Variants in BCKDHB observed in about 807,000 individuals in gnomAD.
The protein encoded by BCKDHB is branched chain keto acid dehydrogenase E1 subunit beta.
In BCKDHB, 41 loss-of-function variants were observed where a neutral mutation model predicts 48.5. That is an observed-to-expected ratio of 0.85 (90% CI 0.66 to 1.10). BCKDHB has a LOEUF of 1.10. Ranked by LOEUF, BCKDHB falls within the 50% of genes least tolerant of loss-of-function variation. The pLI, the probability that BCKDHB is intolerant of heterozygous loss-of-function variation, is 0.00. For missense variants in BCKDHB, 496 were observed against 494.2 expected (o/e 1.00, Z -0.03); for synonymous variants, 201 against 174.8 (o/e 1.15, Z -1.18).
the BCKDHB span, among the ~76,000 whole-genome samples, chr6:80,427,047 A>G: frequency 6.6e-6 from 1 of 152,256 alleles, no homozygotes; most frequent in Middle Eastern, 3.4e-3. Flanking sequence ...ATTTAGGATT[A>G]CATTCTCTAG....
chr6:80,294,161 G>T (rs1193894321), intron 9 of BCKDHB, among the ~76,000 whole-genome samples: 2 of 152,214 alleles, frequency 1.3e-5, no homozygotes, highest in Non-Finnish European at 2.9e-5. Flanking sequence ...ACCCCGAATG[G>T]AGGGACCGGC....
chr6:80,352,149 TTG>T, the BCKDHB span, among the ~76,000 whole-genome samples: 2 of 109,894 alleles, frequency 1.8e-5, no homozygotes, highest in East Asian at 2.6e-4. Flanking sequence ...TTTGTTGTTG[TTG>T]TTTTTTTTTT....
chr6:80,250,561 G>A (rs76876878), intron 8 of BCKDHB, among the ~76,000 whole-genome samples: 1,918 of 152,276 alleles, frequency 0.013, 36 homozygotes, highest in African/African-American at 0.044. Flanking sequence ...TATCTGGAGA[G>A]CTGAGGAAGG....
chr6:80,135,226 C>G (rs893283032), intron 3 of BCKDHB, among the ~76,000 whole-genome samples: 1 of 151,956 alleles, frequency 6.6e-6, no homozygotes, highest in African/African-American at 2.4e-5. Context: ...GATTTAGTGT[C>G]AGGGTTCCAT....
chr6:80,134,680 G>T (rs886869008), intron 3 of BCKDHB, among the ~76,000 whole-genome samples: 1 of 151,930 alleles, frequency 6.6e-6, no homozygotes, highest in Non-Finnish European at 1.5e-5. Flanking sequence ...TGGAACCATG[G>T]GGTACCTTAG....
At position 80,344,348 on chromosome 6, in the gene BCKDHB, ATTTT is replaced by A. The variant is rs10579475; in HGVS notation, c.*557_*560del. 29 of 140,978 alleles carry A rather than the reference ATTTT, an allele frequency of 2.1e-4. No homozygotes were observed. The highest frequency in any genetic ancestry group is 4.4e-4 in the South Asian group (2 of 4,540). 8.7% of individuals were successfully genotyped at this position (140,978 alleles called of 1,614,324 possible). On this transcript the variant is annotated 3_prime_UTR_variant, in exon 10 of 10. Transcript: ENST00000320393. ...AACATATCTAGCATATGTATATGTGATTTTTTTTTTTTTTTTGAGACCGAGTCTC... is the reference window on the plus strand; with the variant it reads ...AACATATCTAGCATATGTATATGTGATTTTTTTTTTTTGAGACCGAGTCTC...
chr6:80,427,091 A>G, the BCKDHB span, among the ~76,000 whole-genome samples: 3 of 152,100 alleles, frequency 2.0e-5, no homozygotes, highest in Non-Finnish European at 4.4e-5. Flanking sequence ...TAAAATGTCC[A>G]TCTTTATTCC....
chr6:80,298,746 G>A (rs145606269), intron 9 of BCKDHB, among the ~76,000 whole-genome samples: 30 of 152,272 alleles, frequency 2.0e-4, no homozygotes, highest in African/African-American at 5.5e-4. Context: ...AGGAGAGAGA[G>A]GAAAGCGTTG....
At chr6:80,151,172 G>C (rs747653548) in intron 3 of BCKDHB, among the ~76,000 whole-genome samples, 2 of 152,078 alleles carry the variant, frequency 1.3e-5, no homozygotes, top group Non-Finnish European at 2.9e-5. Flanking sequence ...GTTAATTTCT[G>C]CGTTTTGATA....
At chr6:80,215,658 G>A (rs1480280076) in intron 8 of BCKDHB, among the ~76,000 whole-genome samples, 1 of 152,148 alleles carries the variant, frequency 6.6e-6, no homozygotes, top group Non-Finnish European at 1.5e-5. Flanking sequence ...ATGCCATGGG[G>A]TCTATTTTTA....
At chr6:80,409,110 C>T in the BCKDHB span, among the ~76,000 whole-genome samples, 13 of 152,076 alleles carry the variant, frequency 8.5e-5, no homozygotes, top group African/African-American at 3.1e-4. Flanking sequence ...ATCTTTATTT[C>T]TGCTTTCATT....
At chr6:80,125,171 C>T (rs560038701) in intron 1 of BCKDHB, among the ~76,000 whole-genome samples, 2 of 152,236 alleles carry the variant, frequency 1.3e-5, no homozygotes, top group African/African-American at 4.8e-5. Context: ...TTCACTTTGC[C>T]GTTTTATGTA....
At chr6:80,163,419 A>C (rs1772420739) in intron 3 of BCKDHB, among the ~76,000 whole-genome samples, 1 of 151,852 alleles carries the variant, frequency 6.6e-6, no homozygotes, top group Admixed American at 6.6e-5. Context: ...CAGTATAGAC[A>C]CAAGTTAATC....
At chr6:80,180,846 A>G (rs1773379743) in intron 6 of BCKDHB, among the ~76,000 whole-genome samples, 1 of 152,254 alleles carries the variant, frequency 6.6e-6, no homozygotes, top group Admixed American at 6.5e-5. Flanking sequence ...GCGGGTTAGT[A>G]TATTTAATGC....
At chr6:80,387,803 C>T in the BCKDHB span, among the ~76,000 whole-genome samples, 4 of 152,218 alleles carry the variant, frequency 2.6e-5, no homozygotes, top group East Asian at 3.9e-4. Context: ...AGACCTTGGT[C>T]GCTTTTCACT....
At chr6:80,247,989 C>T (rs996425282) in intron 8 of BCKDHB, among the ~76,000 whole-genome samples, 2 of 152,178 alleles carry the variant, frequency 1.3e-5, no homozygotes, top group Non-Finnish European at 2.9e-5. Context: ...AAAAGACCTG[C>T]TTGCCTCAGA....
intron 9 of BCKDHB, among the ~76,000 whole-genome samples, chr6:80,294,881 A>G (rs1767141581): frequency 6.6e-6 from 1 of 151,726 alleles, no homozygotes; most frequent in South Asian, 2.1e-4. Context: ...GACCCTTATC[A>G]GTGGTTCTGC....
At chr6:80,147,692 T>C (rs1179067656) in intron 3 of BCKDHB, among the ~76,000 whole-genome samples, 1 of 152,126 alleles carries the variant, frequency 6.6e-6, no homozygotes, top group Non-Finnish European at 1.5e-5. Context: ...GATCATAGAA[T>C]GCTGGATTTC....
intron 1 of BCKDHB, among the ~76,000 whole-genome samples, chr6:80,120,177 C>G (rs898609489): frequency 4.6e-5 from 7 of 152,244 alleles, no homozygotes; most frequent in Admixed American, 3.9e-4. Flanking sequence ...CATGTCCCTG[C>G]AAAGGACATG....
Sources: allele counts gnomAD v4.1 joint callset (sites outside exome capture counted in the v4.1 genomes callset), GRCh38; gene constraint gnomAD v4.1.1; transcripts MANE v1.5; gene names NCBI Gene and HGNC (gene_info 2026-07-23, HGNC 2026-07-21).